The following RAB3C variants were observed in gnomAD, a reference collection of about 807,000 sequenced individuals.
The protein encoded by RAB3C is RAB3C, member RAS oncogene family, also known as ras-related protein Rab-3C.
In RAB3C, 17 loss-of-function variants were observed where a neutral mutation model predicts 26.4. That is an observed-to-expected ratio of 0.64 (90% CI 0.44 to 0.97). The LOEUF (loss-of-function observed/expected upper bound fraction) is 0.97. RAB3C is among the 50% of genes least tolerant of loss of function. RAB3C has a pLI of 0.00. For synonymous variants in RAB3C, 91 were observed against 95.9 expected (o/e 0.95, Z 0.30); for missense variants, 242 against 281.9 (o/e 0.86, Z 1.01).
chr5:58,707,457 T>G (rs1748967171), intron 2 of RAB3C, among the ~76,000 whole-genome samples: 1 of 152,182 alleles, frequency 6.6e-6, no homozygotes, highest in Non-Finnish European at 1.5e-5. Context: ...TTACCTGTGT[T>G]AGCTCATTTG....
At position 58,585,192 on chromosome 5, in the gene RAB3C, A is replaced by C. The variant is rs77458068; in HGVS notation, c.24+1960A>C. ...TAAAGCACATACATTAATTCAATTT[A>C]ACTAATAAATTGTTGTTATGGTGAC... On this transcript the variant is annotated intron_variant, in intron 1 of 4. Transcript: ENST00000282878. 7.3e-4 allele frequency among the ~76,000 whole-genome samples: 111 copies of C among 152,150 alleles called. 2 individuals carry two copies. In the East Asian group the frequency reaches 0.019, roughly 26 times the overall value.
chr5:58,764,945 CT>C (rs1252362515), intron 3 of RAB3C, among the ~76,000 whole-genome samples: 7 of 151,976 alleles, frequency 4.6e-5, no homozygotes, highest in Admixed American at 3.3e-4. Context: ...GGCCTTAAGA[CT>C]TTTTTTTGCA....
At chr5:58,719,112 A>G (rs540220742) in intron 2 of RAB3C, among the ~76,000 whole-genome samples, 37 of 152,014 alleles carry the variant, frequency 2.4e-4, no homozygotes, top group African/African-American at 8.2e-4. Flanking sequence ...ATGACTTTAC[A>G]TTTTTCTGGA....
rs189721603 is a variant in RAB3C at position 58,838,287 on chromosome 5, G to A, written c.497-12877G>A. On this transcript the variant is annotated intron_variant, in intron 4 of 4. Coordinates refer to ENST00000282878, the MANE Select transcript of RAB3C (RefSeq NM_138453.4). ...CCCAGCTACTCGGGAGGCTGAGGCA[G>A]GAGAATGGCATGAACCTGGGAGGCA... Among the ~76,000 whole-genome samples the A allele has an allele frequency of 3.7e-3, 565 of 151,892 alleles. 2 individuals are homozygous for A. The highest frequency in any genetic ancestry group is 0.013 in the African/African-American group (549 of 41,386).
At chr5:58,831,065 T>C (rs1477356) in intron 4 of RAB3C, among the ~76,000 whole-genome samples, 101,002 of 151,886 alleles carry the variant, frequency 0.66, 34,499 homozygotes, top group African/African-American at 0.82. Context: ...TTTTGAGAGA[T>C]AGGGTCTTCA....
intron 2 of RAB3C, among the ~76,000 whole-genome samples, chr5:58,681,861 A>C (rs537171041): frequency 8.7e-4 from 132 of 152,336 alleles, no homozygotes; most frequent in African/African-American, 3.0e-3. Context: ...TTGATTAGGA[A>C]AATAAGTTAA....
intron 3 of RAB3C, among the ~76,000 whole-genome samples, chr5:58,729,668 A>G (rs1388748118): frequency 6.7e-6 from 1 of 148,294 alleles, no homozygotes; most frequent in African/African-American, 2.5e-5. Flanking sequence ...ACATACACAC[A>G]TACACACAAT....
rs1561281598 is a variant in RAB3C, at chr5:58,660,031, T to TATTAGGGAAATTCAAATTAAACCATAG, written c.252+42161_252+42162insATTAGGGAAATTCAAATTAAACCATAG. Among the ~76,000 whole-genome samples, 66 of 151,814 alleles carry TATTAGGGAAATTCAAATTAAACCATAG rather than the reference T, an allele frequency of 4.3e-4. 2 individuals carry two copies. Among genetic ancestry groups the TATTAGGGAAATTCAAATTAAACCATAG allele is most frequent in the African/African-American group, 1.4e-3 (59 of 41,156 alleles). On this transcript the variant is annotated intron_variant, in intron 2 of 4. Transcript: ENST00000282878. ...TGTTGCCCAGGCTAGTCTTGAATTC[T>TATTAGGGAAATTCAAATTAAACCATAG]TGAACTCAAGCAATCCGCCCGCCTC... is the stretch of plus-strand genomic sequence containing the variant.
chr5:58,687,462 A>G (rs1748468468), intron 2 of RAB3C, among the ~76,000 whole-genome samples: 1 of 151,820 alleles, frequency 6.6e-6, no homozygotes, highest in South Asian at 2.1e-4. Flanking sequence ...TGGACTAAAA[A>G]CAACAACAAC....
chr5:58,602,674 T>C (rs1312735719), intron 1 of RAB3C, among the ~76,000 whole-genome samples: 1 of 152,212 alleles, frequency 6.6e-6, no homozygotes, highest in Non-Finnish European at 1.5e-5. Context: ...CTGCTCACTT[T>C]TGGTGTTCAT....
At chr5:58,604,348 G>A (rs1746517213) in intron 1 of RAB3C, among the ~76,000 whole-genome samples, 2 of 152,170 alleles carry the variant, frequency 1.3e-5, no homozygotes, top group Non-Finnish European at 2.9e-5. Context: ...AGGGACCGGC[G>A]GTAGGCGGGG....
At chr5:58,699,509 C>T (rs1748793026) in intron 2 of RAB3C, among the ~76,000 whole-genome samples, 1 of 152,218 alleles carries the variant, frequency 6.6e-6, no homozygotes, top group East Asian at 1.9e-4. Context: ...AGCTGTCAGA[C>T]AGGGAAGTTT....
intron 2 of RAB3C, among the ~76,000 whole-genome samples, chr5:58,701,485 T>C (rs1038047257): frequency 6.6e-6 from 1 of 152,200 alleles, no homozygotes; most frequent in South Asian, 2.1e-4. Flanking sequence ...TCTAGCTTCC[T>C]GGTAGCAAAT....
chr5:58,658,818 A>G (rs1208940163), intron 2 of RAB3C, among the ~76,000 whole-genome samples: 1 of 152,190 alleles, frequency 6.6e-6, no homozygotes, highest in Admixed American at 6.5e-5. Flanking sequence ...TTCATCATCT[A>G]GCAGACCACC....
At chr5:58,784,776 C>G (rs1237601802) in intron 3 of RAB3C, 2 of 152,186 alleles carry the variant, frequency 1.3e-5, no homozygotes, top group East Asian at 1.9e-4. Flanking sequence ...AGTCAATGAG[C>G]TTTTCAGGAT....
intron 1 of RAB3C, among the ~76,000 whole-genome samples, chr5:58,612,381 A>G (rs1746721850): frequency 6.6e-6 from 1 of 150,586 alleles, no homozygotes; most frequent in African/African-American, 2.5e-5. Context: ...CTATTTTTCC[A>G]TTTGTTTGTG....
At chr5:58,610,542 TTC>T (rs1432779309) in intron 1 of RAB3C, among the ~76,000 whole-genome samples, 1 of 152,176 alleles carries the variant, frequency 6.6e-6, no homozygotes, top group Non-Finnish European at 1.5e-5. Flanking sequence ...CCATTTTCTT[TTC>T]TTTTTTTCAC....
chr5:58,668,428 A>C (rs1334606644), intron 2 of RAB3C, among the ~76,000 whole-genome samples: 1 of 152,194 alleles, frequency 6.6e-6, no homozygotes, highest in Non-Finnish European at 1.5e-5. Flanking sequence ...CTGAAATTCT[A>C]GTCAATTATC....
intron 2 of RAB3C, among the ~76,000 whole-genome samples, chr5:58,634,158 G>A (rs1282842953): frequency 6.6e-6 from 1 of 151,176 alleles, no homozygotes; most frequent in Non-Finnish European, 1.5e-5. Flanking sequence ...AAAAAAAATT[G>A]TTTGTTTGTA....
Sources: allele counts gnomAD v4.1 joint callset (sites outside exome capture counted in the v4.1 genomes callset), GRCh38; gene constraint gnomAD v4.1.1; transcripts MANE v1.5; gene names NCBI Gene and HGNC (gene_info 2026-07-23, HGNC 2026-07-21).